Variants in MECOM observed in about 807,000 individuals in gnomAD.
MECOM encodes the protein histone-lysine N-methyltransferase MECOM.
A neutral mutation model predicts 116.3 loss-of-function variants in MECOM; 13 were observed. The observed-to-expected ratio is 0.11, with a 90% CI of 0.07 to 0.18. The LOEUF is 0.18. Ranked by LOEUF, MECOM falls within the 10% of genes least tolerant of loss-of-function variation. The probability of loss-of-function intolerance (pLI) is 1.00; values close to 1 mark genes in which losing one functional copy is unlikely to be tolerated. For missense variants in MECOM, 1,299 were observed against 1,509.0 expected, an observed-to-expected ratio of 0.86 and a Z score of 2.31; for synonymous variants, 528 against 535.2, an observed-to-expected ratio of 0.99 and a Z score of 0.19.
chr3:169,143,274 T>C (rs1308692478), intron 3 of MECOM, among the ~76,000 whole-genome samples: 1 of 152,126 alleles, frequency 6.6e-6, no homozygotes, highest in Non-Finnish European at 1.5e-5. Flanking sequence ...ACACTGATAC[T>C]ATGCATATAC....
At chr3:169,542,630 T>G (rs930460896) in intron 1 of MECOM, among the ~76,000 whole-genome samples, 3 of 152,202 alleles carry the variant, frequency 2.0e-5, no homozygotes, top group South Asian at 4.1e-4. Context: ...AGATCTCAAC[T>G]GTGAAGTATG....
At chr3:169,472,220 G>T (rs1749372338) in intron 1 of MECOM, among the ~76,000 whole-genome samples, 2 of 150,556 alleles carry the variant, frequency 1.3e-5, no homozygotes, top group South Asian at 4.2e-4. Flanking sequence ...AAAAATTAAA[G>T]TTTATTTCCC....
chr3:169,342,836 T>C (rs1414428118), intron 2 of MECOM, among the ~76,000 whole-genome samples: 1 of 152,128 alleles, frequency 6.6e-6, no homozygotes, highest in African/African-American at 2.4e-5. Flanking sequence ...ACAATAGCTG[T>C]TTTGTCACAT....
chr3:169,623,053 G>A (rs573633672), intron 1 of MECOM, among the ~76,000 whole-genome samples: 2 of 152,282 alleles, frequency 1.3e-5, no homozygotes, highest in South Asian at 4.2e-4. Context: ...ATCGCACAAA[G>A]AAGGGATCAT....
intron 10 of MECOM, among the ~76,000 whole-genome samples, chr3:169,106,451 A>G (rs1576942024): frequency 6.6e-6 from 1 of 152,112 alleles, no homozygotes; most frequent in African/African-American, 2.4e-5. Context: ...AACAATCCAC[A>G]TAGAGGTTTT....
chr3:169,223,268 TCCCTCCCCCCTCCC>T (rs71166253), intron 2 of MECOM, among the ~76,000 whole-genome samples: 2 of 84,622 alleles, frequency 2.4e-5, no homozygotes, highest in Non-Finnish European at 4.9e-5. Context: ...CCTAATGCTA[TCCCTCCCCCCTCCC>T]CCCTCCCCCC....
chr3:169,336,878 A>G (rs76653748), intron 2 of MECOM, among the ~76,000 whole-genome samples: 1,714 of 152,294 alleles, frequency 0.011, 29 homozygotes, highest in African/African-American at 0.039. Flanking sequence ...GGATCCATAA[A>G]AGGCTTGATG....
intron 1 of MECOM, among the ~76,000 whole-genome samples, chr3:169,479,620 T>C (rs928652737): frequency 7.8e-6 from 1 of 128,760 alleles, no homozygotes; most frequent in Non-Finnish European, 1.6e-5. Context: ...TGGAGGTGAA[T>C]GAAACGTCTC....
chr3:169,640,899 G>A (rs995989312), intron 1 of MECOM, among the ~76,000 whole-genome samples: 2 of 152,198 alleles, frequency 1.3e-5, no homozygotes, highest in Admixed American at 1.3e-4. Flanking sequence ...TGTCCAATCA[G>A]TGCATGCCTT....
At chr3:169,545,314 G>C (rs1183005287) in intron 1 of MECOM, among the ~76,000 whole-genome samples, 1 of 152,062 alleles carries the variant, frequency 6.6e-6, no homozygotes, top group African/African-American at 2.4e-5. Context: ...AAACTGAGCT[G>C]AAGTTTAAAA....
intron 2 of MECOM, among the ~76,000 whole-genome samples, chr3:169,300,395 A>T (rs752616661): frequency 6.6e-6 from 1 of 152,258 alleles, no homozygotes; most frequent in Admixed American, 6.5e-5. Context: ...GAAAACATTT[A>T]TAAAATGATC....
chr3:169,571,540 C>G (rs1763907686), intron 1 of MECOM, among the ~76,000 whole-genome samples: 1 of 152,144 alleles, frequency 6.6e-6, no homozygotes, highest in South Asian at 2.1e-4. Flanking sequence ...CCAAGACAAT[C>G]CTAAGCAAAA....
chr3:169,115,529 A>G lies in MECOM; in HGVS notation c.2343T>C (p.Ser781=). ...CAGTCAGCTTTGTCCCACTGGCTCT[A>G]CTCCTACTGCCCATACTTAGATCCA... ...QPLDLSMGSR[S]RASGTKLTEP... is the part of the protein sequence containing the mutation. Residue 781 remains serine (S), a synonymous_variant, in exon 8 of 17, where the codon AGT becomes AGC. Transcript: ENST00000651503. 1 of 1,613,700 alleles carries G rather than the reference A, an allele frequency of 6.2e-7. No individual in the cohort carries two copies. The highest frequency in any genetic ancestry group is 8.5e-7 in the Non-Finnish European group (1 of 1,179,948).
intron 2 of MECOM, among the ~76,000 whole-genome samples, chr3:169,174,070 A>C (rs1744815222): frequency 1.3e-5 from 2 of 152,134 alleles, no homozygotes; most frequent in Non-Finnish European, 2.9e-5. Flanking sequence ...AGGCTAACTC[A>C]TGCTTATCAT....
intron 1 of MECOM, among the ~76,000 whole-genome samples, chr3:169,589,993 G>A (rs1766215489): frequency 6.6e-6 from 1 of 152,130 alleles, no homozygotes; most frequent in South Asian, 2.1e-4. Flanking sequence ...CTTTTATTCA[G>A]CACTACCCTT....
chr3:169,609,452 T>G (rs1768981485), intron 1 of MECOM, among the ~76,000 whole-genome samples: 1 of 111,618 alleles, frequency 9.0e-6, no homozygotes, highest in Non-Finnish European at 1.9e-5. Flanking sequence ...TTATTTCAGT[T>G]AATCATTTTT....
chr3:169,375,201 A>T (rs376194740), intron 2 of MECOM, among the ~76,000 whole-genome samples: 5 of 152,238 alleles, frequency 3.3e-5, no homozygotes, highest in Admixed American at 6.5e-5. Context: ...TGTAACACTA[A>T]ATGCCCGCAG....
chr3:169,119,914 T>A (rs747656879), intron 7 of MECOM, among the ~76,000 whole-genome samples: 3 of 152,130 alleles, frequency 2.0e-5, no homozygotes, highest in African/African-American at 2.4e-5. Context: ...GACTCTAGTG[T>A]AAGCTGGAAA....
intron 1 of MECOM, among the ~76,000 whole-genome samples, chr3:169,653,344 G>A (rs1775149699): frequency 6.6e-6 from 1 of 152,126 alleles, no homozygotes; most frequent in Admixed American, 6.5e-5. Context: ...GGCTCTCCAG[G>A]AGTTTTACAG....
Sources: allele counts gnomAD v4.1 joint callset (sites outside exome capture counted in the v4.1 genomes callset), GRCh38; gene constraint gnomAD v4.1.1; transcripts MANE v1.5; gene names NCBI Gene and HGNC (gene_info 2026-07-23, HGNC 2026-07-21).